The following IGF2BP1 variants were observed in gnomAD, a reference collection of about 807,000 sequenced individuals.
IGF2BP1 encodes the protein insulin-like growth factor 2 mRNA-binding protein 1.
Under a neutral mutation model 74.9 loss-of-function variants are expected in IGF2BP1, and 11 were observed. That is an observed-to-expected ratio of 0.15 (90% confidence interval 0.09 to 0.24). The LOEUF (loss-of-function observed/expected upper bound fraction) is 0.24. Ranked by LOEUF, IGF2BP1 falls within the 10% of genes least tolerant of loss-of-function variation. The pLI is 1.00. For synonymous variants in IGF2BP1, 287 were observed against 281.8 expected, an observed-to-expected ratio of 1.02 and a Z score of -0.18; for missense variants, 440 against 757.4, an observed-to-expected ratio of 0.58 and a Z score of 4.92.
intron 2 of IGF2BP1, among the ~76,000 whole-genome samples, chr17:49,008,184 A>G (rs1017503054): frequency 1.3e-5 from 2 of 151,974 alleles, no homozygotes; most frequent in East Asian, 1.9e-4. Context: ...AAAAAAAAAA[A>G]AAAAGTAAAT....
At chr17:49,023,846 G>A (rs981840169) in intron 2 of IGF2BP1, among the ~76,000 whole-genome samples, 5 of 151,588 alleles carry the variant, frequency 3.3e-5, no homozygotes, top group Admixed American at 6.6e-5. Context: ...AGGGATTAGC[G>A]CATTTATTTG....
chr17:49,041,614 C>T, intron 8 of IGF2BP1, 114 bp downstream of exon 8: 1 of 1,384,864 alleles, frequency 7.2e-7, no homozygotes, highest in Non-Finnish European at 1.0e-6. Context: ...CTCCTTCTGC[C>T]TCTTGAAGAA....
chr17:49,036,992 G>T (rs777086560), intron 5 of IGF2BP1: 2 of 197,108 alleles, frequency 1.0e-5, no homozygotes, highest in Non-Finnish European at 2.2e-5. Context: ...CCACAAGAAA[G>T]AATTGAGATC....
chr17:49,009,683 T>C (rs570752496), intron 2 of IGF2BP1, among the ~76,000 whole-genome samples: 1 of 152,016 alleles, frequency 6.6e-6, no homozygotes, highest in African/African-American at 2.4e-5. Context: ...CACTCCAGCC[T>C]GGGCAACAAG....
In IGF2BP1 at chr17:49,049,530, G is replaced by C; in HGVS notation, c.*86G>C. On this transcript the variant is annotated 3_prime_UTR_variant, in exon 15 of 15. Transcript: ENST00000290341. The stretch of plus-strand genomic sequence containing the variant: ...CTCCCCGGCAGGCCTGAGAATGAGT[G>C]GGAATCCGGGACACCTGGGCCGGGC... 1 of 1,123,500 alleles carries C rather than the reference G, an allele frequency of 8.9e-7. No homozygotes were observed. The highest frequency in any genetic ancestry group is 2.5e-5 in the East Asian group (1 of 39,988). 69.6% of individuals were successfully genotyped at this position (1,123,500 alleles called of 1,614,324 possible). A position where few individuals can be genotyped will look rare whatever the true frequency, so the allele number is the denominator to read the frequency against.
chr17:49,014,187 G>T (rs1478081354), intron 2 of IGF2BP1, among the ~76,000 whole-genome samples: 4 of 147,544 alleles, frequency 2.7e-5, no homozygotes, highest in South Asian at 2.2e-4. Context: ...CACTATCCCC[G>T]TTAGTGGTTC....
chr17:49,007,283 ACTT>A (rs1161659049), intron 2 of IGF2BP1, among the ~76,000 whole-genome samples: 1 of 152,094 alleles, frequency 6.6e-6, no homozygotes, highest in Non-Finnish European at 1.5e-5. Context: ...ATTGTTCCCT[ACTT>A]CTTCTGCTTC....
chr17:49,045,877 C>T lies in IGF2BP1; in HGVS notation c.1396-13C>T. The T allele has an allele frequency of 8.1e-6, 13 of 1,612,200 alleles. No homozygotes were observed. Among genetic ancestry groups the T allele is most frequent in the Non-Finnish European group, 1.1e-5 (13 of 1,178,968 alleles). On this transcript the variant is annotated splice_polypyrimidine_tract_variant and intron_variant, in intron 12 of 14. Coordinates refer to ENST00000290341, the MANE Select transcript of IGF2BP1 (RefSeq NM_006546.4). ...ATATGAACCACTGATTAACAATTACCTCCTCTTCTCAGGCTCAGGGAAGAA... is the reference window on the plus strand; with the variant it reads ...ATATGAACCACTGATTAACAATTACTTCCTCTTCTCAGGCTCAGGGAAGAA...
intron 2 of IGF2BP1, among the ~76,000 whole-genome samples, chr17:49,022,367 T>C (rs534693215): frequency 7.1e-4 from 108 of 152,316 alleles, no homozygotes; most frequent in Middle Eastern, 3.4e-3. Flanking sequence ...GGCCAAGGGC[T>C]TAAAAGACAA....
At chr17:49,005,886 A>G (rs765750531) in intron 2 of IGF2BP1, among the ~76,000 whole-genome samples, 1 of 152,116 alleles carries the variant, frequency 6.6e-6, no homozygotes, top group Non-Finnish European at 1.5e-5. Flanking sequence ...ACATGGTGAA[A>G]CCCTGCCTGT....
chr17:49,048,022 G>A (rs982214490), intron 14 of IGF2BP1, among the ~76,000 whole-genome samples: 1 of 151,808 alleles, frequency 6.6e-6, no homozygotes, highest in African/African-American at 2.4e-5. Flanking sequence ...AGCCTCAGCT[G>A]CTTCTTTAAC....
Position 49,046,390 on chromosome 17 carries a change from C to G in IGF2BP1, c.1641+17C>G, listed in dbSNP as rs201858288. On this transcript the variant is annotated intron_variant, in intron 14 of 14. Transcript: ENST00000290341. Reference sequence around the variant, plus strand: ...GCCAGTCAGGTACATATGGTGCTCCCCCATTGAGGGAGGGCTGCAGGAGCC... The same window carrying G: ...GCCAGTCAGGTACATATGGTGCTCCGCCATTGAGGGAGGGCTGCAGGAGCC... 6.3e-7 allele frequency: 1 copy of G among 1,583,406 alleles called. No individual in the cohort carries two copies. The highest frequency in any genetic ancestry group is 8.7e-7 in the Non-Finnish European group (1 of 1,152,282).
intron 4 of IGF2BP1, 55 bp from the exon 5 acceptor site, chr17:49,031,854 AT>A: frequency 6.7e-7 from 1 of 1,500,878 alleles, no homozygotes; most frequent in Non-Finnish European, 9.3e-7. Flanking sequence ...TTGGGGATTC[AT>A]TGATTGGGCC....
At chr17:49,019,338 C>T (rs2041746915) in intron 2 of IGF2BP1, among the ~76,000 whole-genome samples, 1 of 152,150 alleles carries the variant, frequency 6.6e-6, no homozygotes, top group African/African-American at 2.4e-5. Flanking sequence ...CCGTAAGCTC[C>T]TCAAGGTTCT....
At chr17:49,020,176 T>C (rs1420666697) in intron 2 of IGF2BP1, among the ~76,000 whole-genome samples, 3 of 151,608 alleles carry the variant, frequency 2.0e-5, no homozygotes, top group African/African-American at 7.3e-5. Flanking sequence ...TCAAAGTAGC[T>C]GGGGTTACAG....
chr17:49,015,389 CA>C (rs1434892197), intron 2 of IGF2BP1, among the ~76,000 whole-genome samples: 2 of 152,228 alleles, frequency 1.3e-5, no homozygotes, highest in Non-Finnish European at 2.9e-5. Flanking sequence ...TCCTGCCCCC[CA>C]CCTTTCCCTC....
intron 2 of IGF2BP1, among the ~76,000 whole-genome samples, chr17:49,015,404 C>CGGAGCTTA (rs1567813583): frequency 1.3e-5 from 2 of 152,178 alleles, no homozygotes; most frequent in East Asian, 3.9e-4. Flanking sequence ...TTCCCTCGGT[C>CGGAGCTTA]GGAGCTTAGT....
At chr17:49,009,936 C>T (rs538325607) in intron 2 of IGF2BP1, among the ~76,000 whole-genome samples, 8 of 151,778 alleles carry the variant, frequency 5.3e-5, no homozygotes, top group African/African-American at 1.7e-4. Flanking sequence ...AAAAATTAGT[C>T]GGGCGTGGTG....
chr17:49,032,597 G>A (rs2041938191), intron 5 of IGF2BP1, among the ~76,000 whole-genome samples: 1 of 152,116 alleles, frequency 6.6e-6, no homozygotes, highest in Non-Finnish European at 1.5e-5. Flanking sequence ...ATAGGCTTTT[G>A]CCACATTTTG....
Sources: gnomAD v4.1 joint callset for allele counts (sites outside exome capture counted in the v4.1 genomes callset) on GRCh38, gnomAD v4.1.1 for gene constraint, MANE v1.5 for transcripts, NCBI Gene and HGNC (gene_info 2026-07-23, HGNC 2026-07-21) for gene names.